The following PPP1R3E variants were observed in gnomAD, a reference collection of about 807,000 sequenced individuals.
The protein encoded by PPP1R3E is protein phosphatase 1, regulatory (inhibitor) subunit 3E.
PPP1R3E carries 20 observed loss-of-function variants against 18.5 expected under a neutral mutation model. The observed-to-expected ratio is 1.08, with a 90% CI of 0.76 to 1.58. PPP1R3E has a LOEUF of 1.58. PPP1R3E is among the 40% of genes most tolerant of loss of function. PPP1R3E has a pLI of 0.00. For synonymous variants in PPP1R3E, 208 were observed against 208.1 expected, an observed-to-expected ratio of 1.00 and a Z score of 0.00; for missense variants, 498 against 460.2, an observed-to-expected ratio of 1.08 and a Z score of -0.75.
Position 23,296,822 on chromosome 14 carries a change from A to T in PPP1R3E, c.*2482T>A, listed in dbSNP as rs976377601. ...ATGACGTCGGAAGAGAAGCCTTTTC[A>T]TGTCTGATTCTATGACCTGCAAACT... On this transcript the variant is annotated 3_prime_UTR_variant, in exon 5 of 5. Transcript: ENST00000452015. 6.6e-6 allele frequency: 1 copy of T among 152,232 alleles called. No individual in the cohort carries two copies. The highest frequency in any genetic ancestry group is 2.4e-5 in the African/African-American group (1 of 41,450). 9.4% of individuals were successfully genotyped at this position (152,232 alleles called of 1,614,324 possible).
In PPP1R3E at chr14:23,301,832, G is replaced by T; in HGVS notation, c.444C>A (p.Ala148=). 6.8e-7 allele frequency: 1 copy of T among 1,470,074 alleles called. No homozygotes were observed. The highest frequency in any genetic ancestry group is 2.4e-4 in the Middle Eastern group (1 of 4,218). 91.1% of individuals were successfully genotyped at this position (1,470,074 alleles called of 1,614,324 possible). A position where few individuals can be genotyped will look rare whatever the true frequency, so the allele number is the denominator to read the frequency against. The change falls in exon 2 of 5, where the codon GCC becomes GCA. Residue 148 remains alanine (A), a synonymous_variant. Coordinates refer to ENST00000452015, the MANE Select transcript of PPP1R3E (RefSeq NM_001276318.2). ...AGCGGGCGGCGAAGCCGGGCTCGCT[G>T]GCCGGCTCCAGGGCGGCGCGCGCCT... is the stretch of plus-strand genomic sequence containing the variant. ...LQEARAALEP[A]SEPGFAARLL...
chr14:23,301,688 G>A lies in PPP1R3E; in HGVS notation c.588C>T (p.Asp196=), dbSNP rs969092574. The A allele has an allele frequency of 3.0e-6, 4 of 1,338,064 alleles. No homozygotes were observed. The African/African-American group carries it at 4.6e-5, about 15-fold the overall frequency. The allele number at this position is 1,338,064 out of a possible 1,614,324, so 82.9% of individuals were successfully genotyped here. The part of the protein sequence containing the change: ...EKRVSVRWSA[D]GWRSQREAPA... ...GCGCCTCGCGTTGGCTCCGCCAGCC[G>A]TCGGCGCTCCAGCGCACGCTCACGC... The change falls in exon 2 of 5, where the codon GAC becomes GAT. Residue 196 remains aspartate, a synonymous_variant. Transcript: ENST00000452015.
rs768798082 is a variant in PPP1R3E at position 23,301,124 on chromosome 14, T to G, written c.*138+174A>C. 118 of 302,224 alleles carry G rather than the reference T, an allele frequency of 3.9e-4. 1 individual carries two copies. The highest frequency in any genetic ancestry group is 3.5e-4 in the Non-Finnish European group (57 of 164,372). 18.7% of individuals were successfully genotyped at this position (302,224 alleles called of 1,614,324 possible). ...AAGGCCACCATCATCCCCATTCTTT[T>G]CCTTTTTTTATAATCCCTCCGGTGC... On this transcript the variant is annotated intron_variant, in intron 2 of 4. Coordinates refer to ENST00000452015, the MANE Select transcript of PPP1R3E (RefSeq NM_001276318.2).
chr14:23,302,027 C>T, intron 1 of PPP1R3E, 133 bp downstream of exon 1: 2 of 1,251,114 alleles, frequency 1.6e-6, no homozygotes, highest in Non-Finnish European at 2.1e-6. Flanking sequence ...CAGATGGGGT[C>T]CCCAAAAGGG....
rs563464206 is a variant in PPP1R3E at position 23,298,011 on chromosome 14, G to A, written c.*1293C>T. ...GGGGGTTTGCCTGTTCAAGGCCAGT[G>A]GGGGAAGAGGGAGGGAGGTGGCACA... is the stretch of plus-strand genomic sequence containing the variant. On this transcript the variant is annotated 3_prime_UTR_variant, in exon 5 of 5. Transcript: ENST00000452015. The A allele has an allele frequency of 6.6e-6, 1 of 152,300 alleles. No individual in the cohort carries two copies. Among genetic ancestry groups the A allele is most frequent in the Non-Finnish European group, 1.5e-5 (1 of 68,140 alleles). The allele number at this position is 152,300 out of a possible 1,614,324, so 9.4% of individuals were successfully genotyped here.
In PPP1R3E at chr14:23,300,934, A is replaced by G. The variant is rs76412298; in HGVS notation, c.*139-70T>C. On this transcript the variant is annotated intron_variant, in intron 2 of 4. Transcript: ENST00000452015. ...GGTAGGACAGGGGGATCTGAGGTGG[A>G]AAAGGCCGGTAAGAAGAGGGAATGC... The G allele has an allele frequency of 8.8e-3, 1,349 of 153,448 alleles. 16 individuals carry two copies. The highest frequency in any genetic ancestry group is 0.03 in the African/African-American group (1,250 of 41,612). The allele number at this position is 153,448 out of a possible 1,614,324, so 9.5% of individuals were successfully genotyped here.
rs1251155125 is a variant in PPP1R3E, at chr14:23,301,856, C to A, written c.420G>T (p.Glu140Asp). ...PCQPRARGLQ[E>D]ARAALEPASE... is the part of the protein sequence containing the mutation. ...TGGCCGGCTCCAGGGCGGCGCGCGC[C>A]TCCTGGGGGAAAGAAGAAGCGGGAG... is the stretch of plus-strand genomic sequence containing the variant. Residue 140 changes from glutamate (E) to aspartate (D), a missense_variant and splice_region_variant, in exon 2 of 5, where the codon GAG becomes GAT. Glu to Asp is a conservative substitution (Grantham distance 45, BLOSUM62 2). Coordinates refer to ENST00000452015, the MANE Select transcript of PPP1R3E (RefSeq NM_001276318.2). 1.7e-5 allele frequency: 24 copies of A among 1,431,500 alleles called. No individual in the cohort carries two copies. Among genetic ancestry groups the A allele is most frequent in the African/African-American group, 3.0e-5 (2 of 66,156 alleles). The allele number at this position is 1,431,500 out of a possible 1,614,324, so 88.7% of individuals were successfully genotyped here. A position where few individuals can be genotyped will look rare whatever the true frequency, so the allele number is the denominator to read the frequency against.
intron 4 of PPP1R3E, 127 bp from the exon 5 acceptor site, chr14:23,299,044 G>T (rs1447632069): frequency 1.3e-5 from 2 of 152,868 alleles, no homozygotes; most frequent in Non-Finnish European, 2.9e-5. Flanking sequence ...TCAGCTCACT[G>T]CAACCTCTGT....
At chr14:23,299,934 T>TTTTTG (rs1886986522) in intron 3 of PPP1R3E, among the ~76,000 whole-genome samples, 1 of 105,906 alleles carries the variant, frequency 9.4e-6, no homozygotes, top group Non-Finnish European at 1.7e-5. Flanking sequence ...TTTGTTTTTT[T>TTTTTG]TTTTTTTTTT....
In PPP1R3E at chr14:23,302,834, T is replaced by C. The variant is rs1887084670; in HGVS notation, c.-258A>G. The C allele has an allele frequency of 2.2e-6, 1 of 447,328 alleles. No homozygotes were observed. Among genetic ancestry groups the C allele is most frequent in the Non-Finnish European group, 3.9e-6 (1 of 254,582 alleles). 27.7% of individuals were successfully genotyped at this position (447,328 alleles called of 1,614,324 possible). A position where few individuals can be genotyped will look rare whatever the true frequency, so the allele number is the denominator to read the frequency against. ...ATCACATCCTGCCTCCTGCTAGCGG[T>C]CTGCTCTGAGCGTGCGCTCAACTGC... On this transcript the variant is annotated 5_prime_UTR_variant, in exon 1 of 5. Coordinates refer to ENST00000452015, the MANE Select transcript of PPP1R3E (RefSeq NM_001276318.2).
rs1428901095 is a variant in PPP1R3E at position 23,296,337 on chromosome 14, C to T, written c.*2967G>A. Reference sequence around the variant, plus strand: ...TGTTATCCCTTGCCATGAAGAATCACGGGCTTGTGTAGAGACCTCTTTCTT... The same window carrying T: ...TGTTATCCCTTGCCATGAAGAATCATGGGCTTGTGTAGAGACCTCTTTCTT... On this transcript the variant is annotated 3_prime_UTR_variant, in exon 5 of 5. Transcript: ENST00000452015. 3 of 151,792 alleles carry T rather than the reference C, an allele frequency of 2.0e-5. No individual in the cohort carries two copies. Among genetic ancestry groups the T allele is most frequent in the Admixed American group, 2.0e-4 (3 of 15,238 alleles). The allele number at this position is 151,792 out of a possible 1,614,324, so 9.4% of individuals were successfully genotyped here.
intron 1 of PPP1R3E, 31 bp downstream of exon 1, chr14:23,302,129 C>T: frequency 7.1e-7 from 1 of 1,398,844 alleles, no homozygotes; most frequent in Non-Finnish European, 9.2e-7. Flanking sequence ...TGGAGGAGGT[C>T]CCCAGGAGGG....
rs1244534224 is a variant in PPP1R3E, at chr14:23,296,936, A to G, written c.*2368T>C. On this transcript the variant is annotated 3_prime_UTR_variant, in exon 5 of 5. Transcript: ENST00000452015. Reference sequence around the variant, plus strand: ...GTGGAAAACTGAGGAGCTAGGGCTCATGATGAAATGTTTTTCTACATTCAC... The same window carrying G: ...GTGGAAAACTGAGGAGCTAGGGCTCGTGATGAAATGTTTTTCTACATTCAC... 6.6e-6 allele frequency: 1 copy of G among 152,284 alleles called. No homozygotes were observed. Among genetic ancestry groups the G allele is most frequent in the Non-Finnish European group, 1.5e-5 (1 of 68,056 alleles). The allele number at this position is 152,284 out of a possible 1,614,324, so 9.4% of individuals were successfully genotyped here.
intron 1 of PPP1R3E, 66 bp downstream of exon 1, chr14:23,302,094 C>T: frequency 5.1e-6 from 7 of 1,369,684 alleles, no homozygotes; most frequent in Admixed American, 3.5e-5. Context: ...GGCAAATCCA[C>T]TCCCACAAGC....
rs1887052085 is a variant in PPP1R3E, at chr14:23,301,827, T to C, written c.449A>G (p.Glu150Gly). Residue 150 changes from glutamate (E) to glycine (G), a missense_variant, in exon 2 of 5, where the codon GAG becomes GGG. Glu to Gly is a moderately conservative substitution (Grantham distance 98). Coordinates refer to ENST00000452015, the MANE Select transcript of PPP1R3E (RefSeq NM_001276318.2). ...CAGCAAGCGGGCGGCGAAGCCGGGC[T>C]CGCTGGCCGGCTCCAGGGCGGCGCG... ...EARAALEPAS[E>G]PGFAARLLTQ... 1 of 1,470,362 alleles carries C rather than the reference T, an allele frequency of 6.8e-7. No individual in the cohort carries two copies. Among genetic ancestry groups the C allele is most frequent in the Non-Finnish European group, 8.9e-7 (1 of 1,119,280 alleles). The allele number at this position is 1,470,362 out of a possible 1,614,324, so 91.1% of individuals were successfully genotyped here. A position where few individuals can be genotyped will look rare whatever the true frequency, so the allele number is the denominator to read the frequency against.
chr14:23,299,877 T>C (rs914185181), intron 3 of PPP1R3E, among the ~76,000 whole-genome samples: 2 of 151,378 alleles, frequency 1.3e-5, no homozygotes, highest in African/African-American at 2.4e-5. Flanking sequence ...CAGACTGCCA[T>C]CTTCTGGTGC....
At chr14:23,300,239 G>C (rs1434128524) in intron 3 of PPP1R3E, 1 of 152,200 alleles carries the variant, frequency 6.6e-6, no homozygotes, top group Admixed American at 6.5e-5. Context: ...GTTGGTTATG[G>C]GATGCTTCCT....
rs1886874269 is a variant in PPP1R3E at position 23,296,205 on chromosome 14, G to A, written c.*3099C>T. On this transcript the variant is annotated 3_prime_UTR_variant, in exon 5 of 5. Coordinates refer to ENST00000452015, the MANE Select transcript of PPP1R3E (RefSeq NM_001276318.2). ...CTGCTCCTTAGCAACATCAACAAAA[G>A]TGCCAAAGCTGAGGACACAGAGAAT... 6.6e-6 allele frequency: 1 copy of A among 152,222 alleles called. No individual in the cohort carries two copies. The highest frequency in any genetic ancestry group is 2.1e-4 in the South Asian group (1 of 4,830). The allele number at this position is 152,222 out of a possible 1,614,324, so 9.4% of individuals were successfully genotyped here.
chr14:23,300,039 C>T (rs1886990455), intron 3 of PPP1R3E: 1 of 144,026 alleles, frequency 6.9e-6, no homozygotes, highest in African/African-American at 2.5e-5. Context: ...TCACAAAAGC[C>T]CTTAACATTG....
Sources: allele counts gnomAD v4.1 joint callset (sites outside exome capture counted in the v4.1 genomes callset), GRCh38; gene constraint gnomAD v4.1.1; transcripts MANE v1.5; gene names NCBI Gene and HGNC (gene_info 2026-07-23, HGNC 2026-07-21).